NCMAP: variants seen among roughly 807,000 people sequenced by gnomAD.
NCMAP encodes the protein non-compact myelin associated protein.
A neutral mutation model predicts 7.8 loss-of-function variants in NCMAP; 8 were observed. The ratio of observed to expected loss-of-function variants is 1.02; its 90% CI spans 0.60 to 1.84. The LOEUF is 1.84. Ranked by LOEUF, NCMAP falls within the 40% of genes most tolerant of loss-of-function variation. The probability of loss-of-function intolerance (pLI) is 0.00; values close to 1 mark genes in which losing one functional copy is unlikely to be tolerated. For synonymous variants in NCMAP, 41 were observed against 52.9 expected (o/e 0.78, Z 0.98); for missense variants, 112 against 131.4 (o/e 0.85, Z 0.72).
At chr1:24,577,875 C>T (rs1242103173) in intron 1 of NCMAP, among the ~76,000 whole-genome samples, 1 of 151,954 alleles carries the variant, frequency 6.6e-6, no homozygotes, top group African/African-American at 2.4e-5. Context: ...TCTTACAAGT[C>T]GCCTCCCGGC....
chr1:24,600,812 G>A, intron 2 of NCMAP, 128 bp from the exon 3 acceptor site: 3 of 783,712 alleles, frequency 3.8e-6, no homozygotes, highest in Non-Finnish European at 4.5e-6. Flanking sequence ...AACTGGGAGT[G>A]TCCCAGGATG....
At chr1:24,605,498 T>C in intron 3 of NCMAP, 108 bp from the exon 4 acceptor site, 1 of 1,271,084 alleles carries the variant, frequency 7.9e-7, no homozygotes, top group Non-Finnish European at 1.1e-6. Flanking sequence ...TGATTTAATG[T>C]CTACATTAAT....
In NCMAP at chr1:24,606,931, G is replaced by A. The variant is rs528339867; in HGVS notation, c.*1184G>A. On this transcript the variant is annotated 3_prime_UTR_variant, in exon 4 of 4. Coordinates refer to ENST00000374392, the MANE Select transcript of NCMAP (RefSeq NM_001010980.5). ...CTTAGGAAAACATCTGGAGTATAGC[G>A]CCTGGCACCCAGGAGATGCTTAATA... 7 of 152,180 alleles carry A rather than the reference G, an allele frequency of 4.6e-5. No individual in the cohort carries two copies. Among genetic ancestry groups the A allele is most frequent in the South Asian group, 2.1e-4 (1 of 4,816 alleles). The allele number at this position is 152,180 out of a possible 1,614,324, so 9.4% of individuals were successfully genotyped here.
intron 1 of NCMAP, among the ~76,000 whole-genome samples, chr1:24,590,991 G>A (rs1430622869): frequency 1.3e-5 from 2 of 152,332 alleles, no homozygotes; most frequent in East Asian, 3.9e-4. Context: ...AGCAAATGAA[G>A]CTGGGAGAAA....
In NCMAP at chr1:24,573,976, A is replaced by G. The variant is rs575351465; in HGVS notation, c.-8+17807A>G. Reference sequence around the variant, plus strand: ...ACAAAAAAAAAAAAAAAAAAACAGAAAAAAGGGGGAATATGTCAGTCTAGC... The same window carrying G: ...ACAAAAAAAAAAAAAAAAAAACAGAGAAAAGGGGGAATATGTCAGTCTAGC... On this transcript the variant is annotated intron_variant, in intron 1 of 3. Coordinates refer to ENST00000374392, the MANE Select transcript of NCMAP (RefSeq NM_001010980.5). 2.1e-5 allele frequency among the ~76,000 whole-genome samples: 3 copies of G among 145,546 alleles called. No individual in the cohort carries two copies. In the South Asian group the frequency reaches 6.4e-4, roughly 31 times the overall value.
intron 3 of NCMAP, among the ~76,000 whole-genome samples, chr1:24,602,569 C>CAAAAAAAAAAA (rs10630961): frequency 2.5e-5 from 1 of 40,068 alleles, no homozygotes; most frequent in Non-Finnish European, 3.9e-5. Flanking sequence ...GACTCCATCT[C>CAAAAAAAAAAA]AAAAAAAAAA....
chr1:24,597,594 GAAGA>G lies in NCMAP; in HGVS notation c.82+2103_82+2106del, dbSNP rs201917510. Among the ~76,000 whole-genome samples, 345 of 92,674 alleles carry G rather than the reference GAAGA, an allele frequency of 3.7e-3. 9 individuals are homozygous for G. Among genetic ancestry groups the G allele is most frequent in the African/African-American group, 0.012 (255 of 21,216 alleles). 60.8% of individuals were successfully genotyped at this position (92,674 alleles called of 152,430 possible). A position where few individuals can be genotyped will look rare whatever the true frequency, so the allele number is the denominator to read the frequency against. On this transcript the variant is annotated intron_variant, in intron 2 of 3. Coordinates refer to ENST00000374392, the MANE Select transcript of NCMAP (RefSeq NM_001010980.5). ...TCCTGTAAAAACAAAAGAGAAGAAAGAAGAAAGAAAGAAAGAAAGAAAGAGAAAG... is the reference window on the plus strand; with the variant it reads ...TCCTGTAAAAACAAAAGAGAAGAAAGAAGAAAGAAAGAAAGAAAGAGAAAG...
intron 1 of NCMAP, among the ~76,000 whole-genome samples, chr1:24,561,186 A>AC (rs1651039497): frequency 6.7e-6 from 1 of 149,958 alleles, no homozygotes; most frequent in African/African-American, 2.5e-5. Context: ...TACAAAAAAA[A>AC]AAAAAAAAAA....
intron 1 of NCMAP, among the ~76,000 whole-genome samples, chr1:24,582,551 A>T (rs1419401522): frequency 6.6e-6 from 1 of 152,158 alleles, no homozygotes; most frequent in East Asian, 1.9e-4. Flanking sequence ...AGAGAGAGCG[A>T]GGTAAGACGA....
At chr1:24,558,663 G>A (rs1650970774) in intron 1 of NCMAP, among the ~76,000 whole-genome samples, 1 of 152,100 alleles carries the variant, frequency 6.6e-6, no homozygotes, top group African/African-American at 2.4e-5. Context: ...TGGGACACAG[G>A]GTCATAGTGT....
chr1:24,570,109 A>T (rs1188700256), intron 1 of NCMAP, among the ~76,000 whole-genome samples: 1 of 148,470 alleles, frequency 6.7e-6, no homozygotes, highest in African/African-American at 2.6e-5. Context: ...CACACCTGGA[A>T]ATTTTTTTTT....
At chr1:24,595,794 CTTTTTTTT>C (rs34640170) in intron 2 of NCMAP, among the ~76,000 whole-genome samples, 2 of 119,490 alleles carry the variant, frequency 1.7e-5, no homozygotes, top group Non-Finnish European at 3.4e-5. Flanking sequence ...TGGACTGTGT[CTTTTTTTT>C]TTTTTTTTTT....
intron 1 of NCMAP, among the ~76,000 whole-genome samples, chr1:24,565,998 C>T (rs1455835864): frequency 1.3e-5 from 2 of 152,074 alleles, no homozygotes; most frequent in Non-Finnish European, 2.9e-5. Flanking sequence ...CTTCCCCTTT[C>T]GCTTGGCACC....
intron 1 of NCMAP, among the ~76,000 whole-genome samples, chr1:24,574,980 C>T (rs907839160): frequency 5.3e-5 from 8 of 151,566 alleles, no homozygotes; most frequent in African/African-American, 1.5e-4. Flanking sequence ...TGTAGAGATG[C>T]GGTTTCAACA....
chr1:24,565,194 C>T lies in NCMAP; in HGVS notation c.-8+9025C>T, dbSNP rs1394546990. Among the ~76,000 whole-genome samples the T allele has an allele frequency of 6.7e-5, 10 of 148,566 alleles. No homozygotes were observed. In the East Asian group the frequency reaches 1.8e-3, roughly 26 times the overall value. On this transcript the variant is annotated intron_variant, in intron 1 of 3. Transcript: ENST00000374392. ...AAGGCTAGAGGCTCCCAAAATACTG[C>T]AAAACTGGCCAGACTGGGGAGCTAC...
chr1:24,593,226 G>A (rs994285213), intron 1 of NCMAP, among the ~76,000 whole-genome samples: 29 of 151,804 alleles, frequency 1.9e-4, no homozygotes, highest in African/African-American at 7.0e-4. Flanking sequence ...GATCATGCTT[G>A]TAATCCCAGC....
chr1:24,569,284 A>AACGGGAC (rs1557593847), intron 1 of NCMAP, among the ~76,000 whole-genome samples: 10 of 145,062 alleles, frequency 6.9e-5, no homozygotes, highest in African/African-American at 2.6e-4. Context: ...ATGAGCCACC[A>AACGGGAC]TGTCCAGTCC....
intron 1 of NCMAP, among the ~76,000 whole-genome samples, chr1:24,565,608 G>A (rs1326293877): frequency 8.4e-6 from 1 of 118,428 alleles, no homozygotes; most frequent in Admixed American, 9.1e-5. Context: ...GTGTGTGTGT[G>A]TGTGTGTTTT....
In NCMAP at chr1:24,608,271, C is replaced by A. The variant is rs113043753; in HGVS notation, c.*2524C>A. The A allele has an allele frequency of 6.6e-6, 1 of 152,196 alleles. No individual in the cohort carries two copies. Among genetic ancestry groups the A allele is most frequent in the South Asian group, 2.1e-4 (1 of 4,828 alleles). 9.4% of individuals were successfully genotyped at this position (152,196 alleles called of 1,614,324 possible). ...AGTCTGTCTTTTTTGTGAAGTCACA[C>A]TCCTCTGCTGGCCCAGCTCAAAGCA... On this transcript the variant is annotated 3_prime_UTR_variant, in exon 4 of 4. Transcript: ENST00000374392.
Sources: allele counts gnomAD v4.1 joint callset (sites outside exome capture counted in the v4.1 genomes callset), GRCh38; gene constraint gnomAD v4.1.1; transcripts MANE v1.5; gene names NCBI Gene and HGNC (gene_info 2026-07-23, HGNC 2026-07-21).